SMAD5: variants seen among roughly 807,000 people sequenced by gnomAD.
The protein encoded by SMAD5 is SMAD family member 5, also known as MAD, mothers against decapentaplegic homolog 5.
In SMAD5, 9 loss-of-function variants were observed where a neutral mutation model predicts 43.1. The observed-to-expected ratio is 0.21, with a 90% CI of 0.13 to 0.36. The LOEUF is 0.36. Among genes scored for constraint, SMAD5 ranks in the 10% least tolerant of loss-of-function variants. The probability of loss-of-function intolerance (pLI) is 1.00; values close to 1 mark genes in which losing one functional copy is unlikely to be tolerated. For missense variants in SMAD5, 348 were observed against 574.0 expected, an observed-to-expected ratio of 0.61 and a Z score of 4.02; for synonymous variants, 190 against 192.4, an observed-to-expected ratio of 0.99 and a Z score of 0.10.
intron 1 of SMAD5, chr5:136,133,403 G>A (rs996268557): frequency 6.6e-6 from 1 of 152,604 alleles, no homozygotes; most frequent in African/African-American, 2.4e-5. Context: ...GCACTGCGAA[G>A]CTGTCCAATG....
chr5:136,150,573 G>A (rs1469202137), intron 2 of SMAD5, among the ~76,000 whole-genome samples: 1 of 151,878 alleles, frequency 6.6e-6, no homozygotes. Context: ...TCAGCATTGG[G>A]TGGTAAAGGA....
intron 3 of SMAD5, among the ~76,000 whole-genome samples, chr5:136,157,407 A>T (rs1753674677): frequency 6.6e-6 from 1 of 151,810 alleles, no homozygotes; most frequent in African/African-American, 2.4e-5. Context: ...TGGTTGGGGG[A>T]TGGTTTTGGG....
At chr5:136,140,713 CCT>C (rs1028882230) in intron 1 of SMAD5, among the ~76,000 whole-genome samples, 5 of 151,796 alleles carry the variant, frequency 3.3e-5, no homozygotes, top group Middle Eastern at 6.8e-3. Context: ...TCCACCTTCC[CCT>C]GTTTTAATTT....
At chr5:136,177,242 A>C in intron 7 of SMAD5, 95 bp from the exon 8 acceptor site, 2 of 1,009,976 alleles carry the variant, frequency 2.0e-6, no homozygotes, top group Admixed American at 1.9e-5. Context: ...ACATATCTCT[A>C]CTGTTAAAAG....
At chr5:136,134,073 A>C (rs1413741559) in intron 1 of SMAD5, 1 of 141,680 alleles carries the variant, frequency 7.1e-6, no homozygotes, top group African/African-American at 2.6e-5. Context: ...GGGAGGGAGC[A>C]ATTTTGGTTG....
chr5:136,173,564 C>A (rs1363819240), intron 6 of SMAD5, among the ~76,000 whole-genome samples: 2 of 151,948 alleles, frequency 1.3e-5, no homozygotes, highest in African/African-American at 4.8e-5. Context: ...TGCCTCACTT[C>A]TAGGCATTGA....
At chr5:136,160,770 A>G (rs1387959189) in intron 3 of SMAD5, 86 bp from the exon 4 acceptor site, 3 of 1,340,874 alleles carry the variant, frequency 2.2e-6, no homozygotes, top group Middle Eastern at 1.9e-4. Context: ...ACAGTCTTAC[A>G]TGAATCCTTT....
chr5:136,155,214 T>G (rs1416634791), intron 3 of SMAD5, among the ~76,000 whole-genome samples: 1 of 152,172 alleles, frequency 6.6e-6, no homozygotes, highest in East Asian at 1.9e-4. Flanking sequence ...TTTTCTCTGG[T>G]TTCCCCTATT....
At chr5:136,136,401 C>T (rs1191000691) in intron 1 of SMAD5, among the ~76,000 whole-genome samples, 1 of 152,192 alleles carries the variant, frequency 6.6e-6, no homozygotes, top group Non-Finnish European at 1.5e-5. Flanking sequence ...TGGTCTTGAA[C>T]TCTTAACATA....
At chr5:136,170,206 T>C (rs1381579118) in intron 5 of SMAD5, among the ~76,000 whole-genome samples, 1 of 152,074 alleles carries the variant, frequency 6.6e-6, no homozygotes, top group Non-Finnish European at 1.5e-5. Flanking sequence ...TTTCTAGGAG[T>C]TTTATAGTTT....
At chr5:136,172,817 T>C (rs993494575) in intron 6 of SMAD5, 162 bp downstream of exon 6, 19 of 600,526 alleles carry the variant, frequency 3.2e-5, no homozygotes, top group South Asian at 1.6e-4. Flanking sequence ...AATAAAGACA[T>C]GATGTTCCCT....
intron 2 of SMAD5, among the ~76,000 whole-genome samples, chr5:136,148,829 A>G (rs565337032): frequency 1.1e-4 from 16 of 151,984 alleles, no homozygotes; most frequent in African/African-American, 3.6e-4. Flanking sequence ...GGTGAGGGAG[A>G]CACTTGTGAA....
At chr5:136,161,988 T>C (rs915881560) in intron 4 of SMAD5, among the ~76,000 whole-genome samples, 1 of 152,226 alleles carries the variant, frequency 6.6e-6, no homozygotes, top group Non-Finnish European at 1.5e-5. Flanking sequence ...ATATTAAACA[T>C]TGAAATAAAT....
intron 2 of SMAD5, among the ~76,000 whole-genome samples, chr5:136,151,750 G>T (rs1248765282): frequency 6.6e-6 from 1 of 151,922 alleles, no homozygotes; most frequent in Admixed American, 6.6e-5. Context: ...AGTCAGCCAG[G>T]CCTGTCTCTT....
At chr5:136,152,975 C>T (rs1343092368) in intron 2 of SMAD5, among the ~76,000 whole-genome samples, 1 of 152,102 alleles carries the variant, frequency 6.6e-6, no homozygotes, top group Non-Finnish European at 1.5e-5. Context: ...TAAATTTATT[C>T]AACATACTTA....
Position 136,154,008 on chromosome 5 carries a change from G to A in SMAD5, c.248G>A (p.Gly83Asp), listed in dbSNP as rs1753551441. 1 of 1,610,604 alleles carries A rather than the reference G, an allele frequency of 6.2e-7. No individual in the cohort carries two copies. Among genetic ancestry groups the A allele is most frequent in the African/African-American group, 1.3e-5 (1 of 74,652 alleles). Reference sequence around the variant, plus strand: ...CGCCTGCAGGTTTCTCACAGAAAAGGCTTACCCCATGTTATATATTGTCGT... The same window carrying A: ...CGCCTGCAGGTTTCTCACAGAAAAGACTTACCCCATGTTATATATTGTCGT... ...DGRLQVSHRK[G>D]LPHVIYCRVW... The change falls in exon 3 of 8, where the codon GGC becomes GAC. Residue 83 changes from glycine to aspartate, a missense_variant. By Grantham distance (94) the Gly-to-Asp change is moderately conservative. Transcript: ENST00000545279.
chr5:136,181,418 G>C lies in SMAD5; in HGVS notation c.*3938G>C, dbSNP rs185181997. ...CAGCTAGATGAGCAAGTATCTTAGGGTAGTAGGTAGCCTGGTGGTTTTAGA... is the reference window on the plus strand; with the variant it reads ...CAGCTAGATGAGCAAGTATCTTAGGCTAGTAGGTAGCCTGGTGGTTTTAGA... On this transcript the variant is annotated 3_prime_UTR_variant, in exon 8 of 8. Transcript: ENST00000545279. 5 of 152,244 alleles carry C rather than the reference G, an allele frequency of 3.3e-5. No individual in the cohort carries two copies. The East Asian group carries it at 9.6e-4, about 29-fold the overall frequency. 9.4% of individuals were successfully genotyped at this position (152,244 alleles called of 1,614,324 possible). A position where few individuals can be genotyped will look rare whatever the true frequency, so the allele number is the denominator to read the frequency against.
At chr5:136,159,299 A>G (rs1753752554) in intron 3 of SMAD5, among the ~76,000 whole-genome samples, 1 of 152,212 alleles carries the variant, frequency 6.6e-6, no homozygotes, top group South Asian at 2.1e-4. Context: ...ATATAAGCAT[A>G]TTATTTAGCA....
At chr5:136,137,381 AT>A (rs1653327061) in intron 1 of SMAD5, among the ~76,000 whole-genome samples, 3 of 148,804 alleles carry the variant, frequency 2.0e-5, no homozygotes, top group East Asian at 4.1e-4. Context: ...TTTTCTTTTG[AT>A]ATCCATATAT....
Sources: allele counts gnomAD v4.1 joint callset (sites outside exome capture counted in the v4.1 genomes callset), GRCh38; gene constraint gnomAD v4.1.1; transcripts MANE v1.5; gene names NCBI Gene and HGNC (gene_info 2026-07-23, HGNC 2026-07-21).